The following MPP4 variants were observed in gnomAD, a reference collection of about 807,000 sequenced individuals.
MPP4 encodes the protein MAGUK p55 subfamily member 4.
A neutral mutation model predicts 98.3 loss-of-function variants in MPP4; 91 were observed. That is an observed-to-expected ratio of 0.93 (90% CI 0.78 to 1.10). The LOEUF (loss-of-function observed/expected upper bound fraction) is 1.10. Among genes scored for constraint, MPP4 ranks in the 50% least tolerant of loss-of-function variants. The probability of loss-of-function intolerance (pLI) is 0.00; values close to 1 mark genes in which losing one functional copy is unlikely to be tolerated. For synonymous variants in MPP4, 261 were observed against 271.8 expected, an observed-to-expected ratio of 0.96 and a Z score of 0.39; for missense variants, 744 against 792.9, an observed-to-expected ratio of 0.94 and a Z score of 0.74.
intron 16 of MPP4, among the ~76,000 whole-genome samples, chr2:201,657,298 T>C (rs1687871173): frequency 1.3e-5 from 2 of 152,176 alleles, no homozygotes; most frequent in East Asian, 1.9e-4. Context: ...GTTGGACACA[T>C]GGGTCATGAT....
intron 3 of MPP4, among the ~76,000 whole-genome samples, chr2:201,692,129 A>C (rs949145182): frequency 2.0e-5 from 3 of 152,180 alleles, no homozygotes; most frequent in African/African-American, 4.8e-5. Flanking sequence ...CTTCTCTGAG[A>C]GTTGCCTTCT....
chr2:201,685,887 C>G, intron 6 of MPP4, 32 bp downstream of exon 6: 2 of 1,602,762 alleles, frequency 1.2e-6, no homozygotes, highest in South Asian at 1.1e-5. Context: ...TAAGCTTACC[C>G]TAAATGGAAA....
At chr2:201,657,587 C>CTTGTTTTTT (rs1574604295) in intron 16 of MPP4, among the ~76,000 whole-genome samples, 1 of 66,344 alleles carries the variant, frequency 1.5e-5, no homozygotes. Flanking sequence ...AACCCTGGCC[C>CTTGTTTTTT]TTGTTTTTTT....
chr2:201,658,481 A>G lies in MPP4; in HGVS notation c.1125T>C (p.Phe375=), dbSNP rs775789832. 1 of 1,612,890 alleles carries G rather than the reference A, an allele frequency of 6.2e-7. No individual in the cohort carries two copies. Among genetic ancestry groups the G allele is most frequent in the South Asian group, 1.1e-5 (1 of 90,776 alleles). ...TCTTGTTAATTTATCACCTACCTAT[A>G]AAGAACTTCTGACCGTAGCCAACAA... ...EEFVGYGQKF[F]IAGFRRSMRL... Residue 375 remains phenylalanine (F), a synonymous_variant, in exon 16 of 22, where the codon TTT becomes TTC. Transcript: ENST00000409474.
At chr2:201,687,953 G>C (rs565515628) in intron 4 of MPP4, among the ~76,000 whole-genome samples, 1 of 152,286 alleles carries the variant, frequency 6.6e-6, no homozygotes, top group South Asian at 2.1e-4. Flanking sequence ...CCTGCTTTCA[G>C]AGGACATAAG....
rs745412884 is a variant in MPP4, at chr2:201,657,609, G to GT, written c.1129+867dup. Among the ~76,000 whole-genome samples the GT allele has an allele frequency of 9.8e-4, 109 of 111,728 alleles. 12 individuals carry two copies. The highest frequency in any genetic ancestry group is 3.4e-3 in the South Asian group (11 of 3,254). 73.3% of individuals were successfully genotyped at this position (111,728 alleles called of 152,430 possible). The stretch of plus-strand genomic sequence containing the variant: ...GCCCTTGTTTTTTTTTTGTTTTTTT[G>GT]TTTTTTTTTGCTTATTGTATCAATC... On this transcript the variant is annotated intron_variant, in intron 16 of 21. Coordinates refer to ENST00000409474, the MANE Select transcript of MPP4 (RefSeq NM_033066.3).
intron 1 of MPP4, among the ~76,000 whole-genome samples, chr2:201,696,753 T>C (rs956630186): frequency 6.6e-6 from 1 of 152,160 alleles, no homozygotes; most frequent in Non-Finnish European, 1.5e-5. Context: ...TTCTAATAAA[T>C]CTAGAGCCAA....
chr2:201,682,932 C>A lies in MPP4; in HGVS notation c.575-16G>T. The stretch of plus-strand genomic sequence containing the variant: ...TATAGCAACCCTAGGCAGACAGTAA[C>A]AAAAAACAAAGAAAGATACAAAGAA... On this transcript the variant is annotated splice_polypyrimidine_tract_variant and intron_variant, in intron 7 of 21. Transcript: ENST00000409474. The A allele has an allele frequency of 1.2e-6, 2 of 1,601,086 alleles. No homozygotes were observed. Among genetic ancestry groups the A allele is most frequent in the African/African-American group, 1.3e-5 (1 of 74,442 alleles).
chr2:201,696,711 G>A (rs548863995), intron 1 of MPP4, among the ~76,000 whole-genome samples: 18 of 152,272 alleles, frequency 1.2e-4, no homozygotes, highest in African/African-American at 4.1e-4. Flanking sequence ...ATAGGCGGTG[G>A]TTTCTTGAGT....
At chr2:201,683,898 A>C (rs1307451408) in intron 7 of MPP4, among the ~76,000 whole-genome samples, 1 of 152,166 alleles carries the variant, frequency 6.6e-6, no homozygotes, top group Admixed American at 6.5e-5. Context: ...GTGAAGATGT[A>C]TAACAGGTAT....
At chr2:201,645,636 T>G (rs1299960174) in intron 21 of MPP4, among the ~76,000 whole-genome samples, 2 of 152,094 alleles carry the variant, frequency 1.3e-5, no homozygotes, top group Admixed American at 1.3e-4. Context: ...TGAAATAATG[T>G]GGCTAAGTAT....
At chr2:201,648,590 T>C (rs1359254999) in intron 20 of MPP4, among the ~76,000 whole-genome samples, 1 of 152,248 alleles carries the variant, frequency 6.6e-6, no homozygotes, top group Non-Finnish European at 1.5e-5. Flanking sequence ...TCTCATTTAC[T>C]GAGAGTAGGA....
intron 18 of MPP4, among the ~76,000 whole-genome samples, chr2:201,653,995 G>A (rs1266958604): frequency 5.4e-5 from 8 of 148,962 alleles, no homozygotes; most frequent in Non-Finnish European, 8.9e-5. Flanking sequence ...TTTTTTTTTC[G>A]AGTCAGAATC....
intron 8 of MPP4, 31 bp from the exon 9 acceptor site, chr2:201,681,598 A>C: frequency 3.2e-6 from 5 of 1,574,772 alleles, no homozygotes; most frequent in Non-Finnish European, 4.4e-6. Flanking sequence ...AAGGATGACA[A>C]TCATGGAGCT....
chr2:201,694,548 A>AGAGTG (rs1285480548), intron 1 of MPP4, among the ~76,000 whole-genome samples: 1 of 148,988 alleles, frequency 6.7e-6, no homozygotes. Context: ...TTTTGTTTCT[A>AGAGTG]GAGTGCTTTC....
intron 18 of MPP4, among the ~76,000 whole-genome samples, chr2:201,654,474 G>A (rs1033233270): frequency 6.6e-6 from 1 of 152,172 alleles, no homozygotes; most frequent in African/African-American, 2.4e-5. Context: ...CTGTTGTGGG[G>A]TAGGGGGAGT....
intron 8 of MPP4, among the ~76,000 whole-genome samples, chr2:201,682,192 G>C (rs548598450): frequency 2.0e-5 from 3 of 152,300 alleles, no homozygotes; most frequent in South Asian, 4.1e-4. Flanking sequence ...CTGGCACCAG[G>C]GGGTAGAAGC....
At chr2:201,669,539 G>A (rs1688279310) in intron 12 of MPP4, among the ~76,000 whole-genome samples, 194 bp downstream of exon 12, 1 of 68,766 alleles carries the variant, frequency 1.5e-5, no homozygotes, top group South Asian at 7.3e-4. Flanking sequence ...ATCTTTGAAT[G>A]ACATATTTTT....
At chr2:201,685,875 C>T (rs370871521) in intron 6 of MPP4, 44 bp downstream of exon 6, 1 of 1,596,716 alleles carries the variant, frequency 6.3e-7, no homozygotes. Context: ...TCACAATTAA[C>T]CTAAGCTTAC....
Sources: allele counts gnomAD v4.1 joint callset (sites outside exome capture counted in the v4.1 genomes callset), GRCh38; gene constraint gnomAD v4.1.1; transcripts MANE v1.5; gene names NCBI Gene and HGNC (gene_info 2026-07-23, HGNC 2026-07-21).